The following PHKA2 variants were observed in gnomAD, a reference collection of about 807,000 sequenced individuals.
The protein encoded by PHKA2 is phosphorylase b kinase regulatory subunit alpha, liver isoform.
PHKA2 carries 31 observed loss-of-function variants against 102.0 expected under a neutral mutation model. The ratio of observed to expected loss-of-function variants is 0.30; its 90% confidence interval spans 0.23 to 0.41. PHKA2 has a LOEUF of 0.41. PHKA2 is among the 10% of genes least tolerant of loss of function. The pLI is 1.00. For synonymous variants in PHKA2, 455 were observed against 416.2 expected (o/e 1.09, Z -1.13); for missense variants, 858 against 1,023.1 (o/e 0.84, Z 2.20).
At chrX:18,955,545 G>T (rs991989834) in intron 1 of PHKA2, among the ~76,000 whole-genome samples, 11 of 111,250 alleles carry the variant, frequency 9.9e-5, no homozygotes, top group African/African-American at 2.9e-4. Flanking sequence ...AATAAACTCT[G>T]CCTAGAAATC....
At chrX:18,982,247 A>C (rs906524924) in intron 1 of PHKA2, among the ~76,000 whole-genome samples, 1 of 111,824 alleles carries the variant, frequency 8.9e-6, no homozygotes, top group Non-Finnish European at 1.9e-5. Context: ...CTTCATGTGC[A>C]ATCTCAAAAG....
chrX:18,893,354 G>A lies in PHKA2; in HGVS notation c.*131C>T, dbSNP rs1601684906. 3 of 647,177 alleles carry A rather than the reference G, an allele frequency of 4.6e-6. No individual in the cohort carries two copies. In the East Asian group the frequency reaches 9.7e-5, roughly 21 times the overall value. 53.3% of individuals were successfully genotyped at this position (647,177 alleles called of 1,213,427 possible). A position where few individuals can be genotyped will look rare whatever the true frequency, so the allele number is the denominator to read the frequency against. ...CAGTTTCAGGGTGAGTGCTACCATT[G>A]CCCCCCGAGAGTGTTTCTGATGGGA... On this transcript the variant is annotated 3_prime_UTR_variant, in exon 33 of 33. Transcript: ENST00000379942.
At chrX:18,927,752 A>C (rs1174927959) in intron 13 of PHKA2, among the ~76,000 whole-genome samples, 2 of 111,835 alleles carry the variant, frequency 1.8e-5, no homozygotes, top group Admixed American at 1.9e-4. Context: ...GGCCCTCAGC[A>C]AATGGGAACA....
chrX:18,980,476 C>G (rs2049155581), intron 1 of PHKA2, among the ~76,000 whole-genome samples: 1 of 113,014 alleles, frequency 8.8e-6, no homozygotes, highest in Non-Finnish European at 1.9e-5. Context: ...TGCTCTGTTA[C>G]TCTTTACTCC....
Position 18,938,232 on chromosome X carries a change from T to C in PHKA2, c.1041+395A>G, listed in dbSNP as rs1023658975. Among the ~76,000 whole-genome samples the C allele has an allele frequency of 3.5e-5, 4 of 112,977 alleles. No individual in the cohort carries two copies. The East Asian group carries it at 8.4e-4, about 24-fold the overall frequency. The stretch of plus-strand genomic sequence containing the variant: ...AATTAATGGCCCAGAGACTACAATA[T>C]TGTGAGAAGCCCAAGCTAGCCATGT... On this transcript the variant is annotated intron_variant, in intron 10 of 32. Coordinates refer to ENST00000379942, the MANE Select transcript of PHKA2 (RefSeq NM_000292.3).
At chrX:18,937,663 T>C (rs1014804414) in intron 10 of PHKA2, among the ~76,000 whole-genome samples, 9 of 112,051 alleles carry the variant, frequency 8.0e-5, no homozygotes, top group Non-Finnish European at 1.7e-4. Context: ...GATTTCATTG[T>C]GCTTGGATCA....
intron 30 of PHKA2, chrX:18,895,567 G>C (rs1382771007): frequency 8.6e-6 from 2 of 232,097 alleles, no homozygotes; most frequent in Non-Finnish European, 1.6e-5. Flanking sequence ...GGATGCTTCT[G>C]TGCCTTTGCA....
chrX:18,932,527 C>T (rs2048332491), intron 11 of PHKA2, among the ~76,000 whole-genome samples: 1 of 109,502 alleles, frequency 9.1e-6, no homozygotes, highest in Non-Finnish European at 1.9e-5. Flanking sequence ...TCATCTTCTG[C>T]TTGCAGATTA....
At chrX:18,905,938 G>T (rs1601709473) in intron 25 of PHKA2, 79 bp from the exon 26 acceptor site, 2 of 679,210 alleles carry the variant, frequency 2.9e-6, no homozygotes, top group Non-Finnish European at 4.8e-6. Flanking sequence ...ACGTGGGTGG[G>T]GAGGGAGGTG....
chrX:18,917,465 G>A (rs1207555567), intron 19 of PHKA2, among the ~76,000 whole-genome samples: 2 of 108,597 alleles, frequency 1.8e-5, no homozygotes, highest in Admixed American at 9.9e-5. Context: ...CACCATGTTG[G>A]CCAGGCTAGT....
intron 20 of PHKA2, among the ~76,000 whole-genome samples, chrX:18,910,378 G>A (rs1187300670): frequency 6.2e-5 from 7 of 112,052 alleles, no homozygotes; most frequent in Non-Finnish European, 1.1e-4. Flanking sequence ...TATTTGGGAA[G>A]CTGAGGTGGG....
At chrX:18,956,206 C>T (rs2147999629) in intron 1 of PHKA2, among the ~76,000 whole-genome samples, 1 of 111,370 alleles carries the variant, frequency 9.0e-6, no homozygotes, top group South Asian at 3.8e-4. Context: ...CGCCTATAGT[C>T]CCAGCTACTT....
At chrX:18,894,165 A>C (rs771662478) in intron 32 of PHKA2, 39 bp downstream of exon 32, 5 of 1,125,341 alleles carry the variant, frequency 4.4e-6, no homozygotes, top group Non-Finnish European at 1.2e-6. Context: ...GCCTCAACAG[A>C]GATAAATGCC....
At position 18,954,276 on chromosome X, in the gene PHKA2, G is replaced by T; in HGVS notation, c.215C>A (p.Ala72Asp). Reference protein sequence around the residue: ...RKNADRDEDKAKAYELEQNVV... With the variant: ...RKNADRDEDKDKAYELEQNVV... ...TACCTGCTCCAGCTCGTAGGCCTTG[G>T]CCTTGTCCTCATCGCGGTCTGCATT... Residue 72 changes from alanine to aspartate, a missense_variant, in exon 2 of 33, where the codon GCC (alanine) becomes GAC (aspartate). Physicochemically the swap from Ala to Asp is moderately radical, Grantham distance 126. This residue lies in a region of PHKA2 where 187 missense variants were observed against 277.9 expected (regional missense o/e 0.67). Transcript: ENST00000379942. The T allele has an allele frequency of 8.3e-7, 1 of 1,211,846 alleles. No homozygotes were observed. The highest frequency in any genetic ancestry group is 1.1e-6 in the Non-Finnish European group (1 of 895,374).
Position 18,893,631 on chromosome X carries a change from G to A in PHKA2, c.3562C>T (p.Leu1188=). Residue 1188 remains leucine, a synonymous_variant, in exon 33 of 33, where the codon CTG becomes TTG. Transcript: ENST00000379942. ...DQVSIGAMDT[L]EKDQATGICH... The stretch of plus-strand genomic sequence containing the variant: ...ATTCCTGTGGCTTGGTCTTTCTCCA[G>A]GGTGTCCATGGCACCAATTGACACC... 1.7e-6 allele frequency: 2 copies of A among 1,211,423 alleles called. No homozygotes were observed. Among genetic ancestry groups the A allele is most frequent in the Non-Finnish European group, 2.2e-6 (2 of 894,927 alleles).
In PHKA2 at chrX:18,957,413, C is replaced by T. The variant is rs187682441; in HGVS notation, c.79-3001G>A. ...AAAGGCTGCCCTGTCTGATGCCATT[C>T]TGCAAGCTAAACATAAACACAGGCA... On this transcript the variant is annotated intron_variant, in intron 1 of 32. Coordinates refer to ENST00000379942, the MANE Select transcript of PHKA2 (RefSeq NM_000292.3). Among the ~76,000 whole-genome samples the T allele has an allele frequency of 3.5e-4, 39 of 111,769 alleles. No homozygotes were observed. In the East Asian group the frequency reaches 0.01, roughly 30 times the overall value.
At chrX:18,956,913 T>A (rs1405827957) in intron 1 of PHKA2, among the ~76,000 whole-genome samples, 1 of 112,411 alleles carries the variant, frequency 8.9e-6, no homozygotes, top group Non-Finnish European at 1.9e-5. Flanking sequence ...TTTTCTTTCT[T>A]TTTTTTGAGA....
rs1427790408 is a variant in PHKA2, at chrX:18,908,161, CCT to C, written c.2361-107_2361-106del. On this transcript the variant is annotated intron_variant, in intron 21 of 32. Transcript: ENST00000379942. ...ACAGCACTTGGGCTCTCCCAGTGCC[CCT>C]GAGTCTCACTGAGAGGGTTACGCCC... 4.8e-5 allele frequency: 38 copies of C among 790,402 alleles called. No individual in the cohort carries two copies. The East Asian group carries it at 1.1e-3, about 23-fold the overall frequency. 65.1% of individuals were successfully genotyped at this position (790,402 alleles called of 1,213,427 possible).
chrX:18,902,115 A>G (rs1302722771), intron 26 of PHKA2, among the ~76,000 whole-genome samples: 1 of 110,785 alleles, frequency 9.0e-6, no homozygotes, highest in Non-Finnish European at 1.9e-5. Flanking sequence ...TGCTGGGATT[A>G]CAGGCGTGAG....
Sources: allele counts gnomAD v4.1 joint callset (sites outside exome capture counted in the v4.1 genomes callset), GRCh38; gene constraint gnomAD v4.1.1; regional missense constraint gnomAD v4.1.1; transcripts MANE v1.5; gene names NCBI Gene and HGNC (gene_info 2026-07-23, HGNC 2026-07-21).